IGSF21: variants seen among roughly 807,000 people sequenced by gnomAD.
IGSF21 encodes immunoglobulin superfamily member 21.
A neutral mutation model predicts 46.8 loss-of-function variants in IGSF21; 28 were observed. That is an observed-to-expected ratio of 0.60 (90% CI 0.44 to 0.82). The LOEUF is 0.82. IGSF21 is among the 40% of genes least tolerant of loss of function. The pLI is 0.00. For missense variants in IGSF21, 624 were observed against 665.5 expected, an observed-to-expected ratio of 0.94 and a Z score of 0.69; for synonymous variants, 284 against 273.6, an observed-to-expected ratio of 1.04 and a Z score of -0.38.
chr1:18,137,838 A>T (rs1338943369), intron 1 of IGSF21, among the ~76,000 whole-genome samples: 3 of 152,182 alleles, frequency 2.0e-5, no homozygotes, highest in Non-Finnish European at 4.4e-5. Flanking sequence ...ATAAATATTA[A>T]TGTGTGTAAT....
chr1:18,371,430 G>C (rs1279504437), intron 6 of IGSF21, among the ~76,000 whole-genome samples: 1 of 152,078 alleles, frequency 6.6e-6, no homozygotes, highest in African/African-American at 2.4e-5. Flanking sequence ...AAATTAGCTG[G>C]GTATGGTAGC....
At chr1:18,137,033 A>G (rs1331239950) in intron 1 of IGSF21, among the ~76,000 whole-genome samples, 1 of 152,028 alleles carries the variant, frequency 6.6e-6, no homozygotes, top group Non-Finnish European at 1.5e-5. Context: ...AGACTGGGTA[A>G]TTTATAAGAA....
intron 3 of IGSF21, among the ~76,000 whole-genome samples, chr1:18,310,498 T>C (rs568627807): frequency 1.8e-4 from 28 of 152,376 alleles, no homozygotes; most frequent in African/African-American, 6.3e-4. Flanking sequence ...TATTCTCCTG[T>C]GGAGTGGCAT....
At chr1:18,129,416 C>T (rs144452359) in intron 1 of IGSF21, among the ~76,000 whole-genome samples, 6 of 152,306 alleles carry the variant, frequency 3.9e-5, no homozygotes, top group African/African-American at 1.2e-4. Flanking sequence ...GCAGTTCTCT[C>T]ATGTGCCCCC....
chr1:18,126,988 T>A (rs2086279083), intron 1 of IGSF21, among the ~76,000 whole-genome samples: 1 of 152,144 alleles, frequency 6.6e-6, no homozygotes, highest in Non-Finnish European at 1.5e-5. Flanking sequence ...TCACCCTGCA[T>A]TTCTGACCCT....
chr1:18,164,296 TTTCCTTCTTTCTTCCCTCCCTCTCTTCC>T (rs2086656958), intron 1 of IGSF21, among the ~76,000 whole-genome samples: 1 of 152,002 alleles, frequency 6.6e-6, no homozygotes, highest in African/African-American at 2.4e-5. Flanking sequence ...CCCTCTCCCC[TTTCCTTCTTTCTTCCCTCCCTCTCTTCC>T]TTCCTTCTGA....
rs536281479 is a variant in IGSF21 at position 18,365,749 on chromosome 1, G to T, written c.1015+52G>T. ...AGAGCCCTTGCAGACCTGGGTGTGG[G>T]GAGAGCCTTGGAATAGGGTTCCTGG... On this transcript the variant is annotated intron_variant, in intron 6 of 9. Coordinates refer to ENST00000251296, the MANE Select transcript of IGSF21 (RefSeq NM_032880.5). This position sits in a 1 kb window ranked among gnomAD's most constrained non-coding sequence, Gnocchi z 4.8. 1.3e-4 allele frequency: 188 copies of T among 1,461,550 alleles called. 1 individual carries two copies. The African/African-American group carries it at 2.1e-3, about 16-fold the overall frequency. 90.5% of individuals were successfully genotyped at this position (1,461,550 alleles called of 1,614,324 possible). A position where few individuals can be genotyped will look rare whatever the true frequency, so the allele number is the denominator to read the frequency against.
chr1:18,335,052 GA>G lies in IGSF21; in HGVS notation c.424+43del. On this transcript the variant is annotated intron_variant, in intron 4 of 9. Coordinates refer to ENST00000251296, the MANE Select transcript of IGSF21 (RefSeq NM_032880.5). The surrounding 1 kb of genome is among the most constrained non-coding windows in gnomAD (Gnocchi z 4.8). The stretch of plus-strand genomic sequence containing the variant: ...TGGCCCCTGGTGTCTCAGTGAGGAG[GA>G]CGAGTATGCTTGAGTGTGTGAATGT... 6.8e-7 allele frequency: 1 copy of G among 1,469,052 alleles called. No individual in the cohort carries two copies. The highest frequency in any genetic ancestry group is 9.5e-7 in the Non-Finnish European group (1 of 1,047,810). The allele number at this position is 1,469,052 out of a possible 1,614,324, so 91.0% of individuals were successfully genotyped here.
At chr1:18,229,321 C>A (rs534765505) in intron 2 of IGSF21, among the ~76,000 whole-genome samples, 2 of 152,192 alleles carry the variant, frequency 1.3e-5, no homozygotes, top group Non-Finnish European at 2.9e-5. Context: ...ACACACAGAG[C>A]ATGGAAACTC....
rs534181919 is a variant in IGSF21 at position 18,309,368 on chromosome 1, C to T, written c.305+17381C>T. On this transcript the variant is annotated intron_variant, in intron 3 of 9. Transcript: ENST00000251296. The stretch of plus-strand genomic sequence containing the variant: ...TGAGAACTCAGCCATGGAGGGGATG[C>T]CACTGTTAACCCCATTTCACAGATG... Among the ~76,000 whole-genome samples, 36 of 152,254 alleles carry T rather than the reference C, an allele frequency of 2.4e-4. 1 individual carries two copies. In the South Asian group the frequency reaches 7.5e-3, roughly 32 times the overall value.
At chr1:18,237,791 G>A (rs751911511) in intron 2 of IGSF21, among the ~76,000 whole-genome samples, 1 of 152,110 alleles carries the variant, frequency 6.6e-6, no homozygotes, top group Non-Finnish European at 1.5e-5. Context: ...ATTGTCTTTA[G>A]CCTTTCAATC....
In IGSF21 at chr1:18,248,796, G is replaced by A. The variant is rs867295951; in HGVS notation, c.183+20786G>A. Among the ~76,000 whole-genome samples the A allele has an allele frequency of 6.6e-5, 10 of 152,216 alleles. No homozygotes were observed. The South Asian group carries it at 8.3e-4, about 13-fold the overall frequency. On this transcript the variant is annotated intron_variant, in intron 2 of 9. Transcript: ENST00000251296. ...GCTGAGACTAAATATAGCGTTGAAC[G>A]AGATAGGCAAGTTCTCTCTACACCC...
chr1:18,236,489 G>A (rs1162252025), intron 2 of IGSF21, among the ~76,000 whole-genome samples: 1 of 152,200 alleles, frequency 6.6e-6, no homozygotes, highest in Non-Finnish European at 1.5e-5. Flanking sequence ...CTCTCTGTTG[G>A]CTATGTTAAG....
intron 1 of IGSF21, among the ~76,000 whole-genome samples, chr1:18,129,544 C>A (rs1382070707): frequency 6.6e-5 from 10 of 152,174 alleles, no homozygotes; most frequent in Admixed American, 1.3e-4. Flanking sequence ...GCCATGCCAC[C>A]CACGGGCAAG....
chr1:18,223,117 C>T (rs2084527515), intron 1 of IGSF21, among the ~76,000 whole-genome samples: 2 of 152,250 alleles, frequency 1.3e-5, no homozygotes, highest in South Asian at 4.1e-4. Context: ...AGCTCATTGC[C>T]AGGCTCTGAC....
chr1:18,295,581 G>A (rs568936435), intron 3 of IGSF21, among the ~76,000 whole-genome samples: 2 of 152,302 alleles, frequency 1.3e-5, no homozygotes, highest in African/African-American at 4.8e-5. Context: ...GGGCCATCGA[G>A]GAAGGTGGCA....
At chr1:18,286,612 C>G (rs956931992) in intron 2 of IGSF21, among the ~76,000 whole-genome samples, 3 of 152,204 alleles carry the variant, frequency 2.0e-5, no homozygotes, top group Non-Finnish European at 4.4e-5. Flanking sequence ...AGCCTCACAT[C>G]GGAGGTGGTC....
chr1:18,194,143 G>A (rs1055792298), intron 1 of IGSF21, among the ~76,000 whole-genome samples: 1 of 152,212 alleles, frequency 6.6e-6, no homozygotes, highest in African/African-American at 2.4e-5. Flanking sequence ...GAGCAAACAG[G>A]TCAGTAGGGG....
chr1:18,184,903 CTGTGTGACCT>C (rs1220682644), intron 1 of IGSF21, among the ~76,000 whole-genome samples: 1 of 152,224 alleles, frequency 6.6e-6, no homozygotes, highest in East Asian at 1.9e-4. Flanking sequence ...CACTTCTGAG[CTGTGTGACCT>C]TGGGCATGTG....
Sources: gnomAD v4.1 joint callset for allele counts (sites outside exome capture counted in the v4.1 genomes callset) on GRCh38, gnomAD v4.1.1 for gene constraint, Gnocchi (gnomAD v3.1) non-coding constraint, MANE v1.5 for transcripts, NCBI Gene and HGNC (gene_info 2026-07-23, HGNC 2026-07-21) for gene names.